CSMD1: variants seen among roughly 807,000 people sequenced by gnomAD.
CSMD1 encodes CUB and sushi domain-containing protein 1.
Under a neutral mutation model 417.5 loss-of-function variants are expected in CSMD1, and 213 were observed. The ratio of observed to expected loss-of-function variants is 0.51; its 90% CI spans 0.46 to 0.57. CSMD1 has a LOEUF of 0.57. Among genes scored for constraint, CSMD1 ranks in the 20% least tolerant of loss-of-function variants. CSMD1 has a pLI of 0.00. For missense variants in CSMD1, 6,923 were observed against 4,529.7 expected, an observed-to-expected ratio of 1.53 and a Z score of -15.17; for synonymous variants, 2,862 against 1,736.8, an observed-to-expected ratio of 1.65 and a Z score of -16.11.
intron 5 of CSMD1, among the ~76,000 whole-genome samples, chr8:3,797,619 G>C (rs1014781127): frequency 2.0e-5 from 3 of 151,854 alleles, no homozygotes; most frequent in Non-Finnish European, 2.9e-5. Context: ...ACTTTTTATT[G>C]TTGGGTAGTG....
chr8:4,075,130 T>C (rs1787533699), intron 3 of CSMD1, among the ~76,000 whole-genome samples: 1 of 152,148 alleles, frequency 6.6e-6, no homozygotes, highest in African/African-American at 2.4e-5. Flanking sequence ...AATATCAAAA[T>C]GATACGAAAA....
chr8:3,998,618 G>C (rs547854438), intron 4 of CSMD1, among the ~76,000 whole-genome samples: 27 of 152,218 alleles, frequency 1.8e-4, no homozygotes, highest in Admixed American at 1.0e-3. Context: ...TAACATAAAA[G>C]AGGCACATCA....
chr8:4,002,051 ATAG>A (rs775640300), intron 4 of CSMD1, among the ~76,000 whole-genome samples: 13 of 152,236 alleles, frequency 8.5e-5, no homozygotes, highest in African/African-American at 1.4e-4. Context: ...CACATAAAAT[ATAG>A]TAGAAGATTA....
chr8:3,048,632 A>G (rs909902443), intron 50 of CSMD1, among the ~76,000 whole-genome samples: 1 of 152,228 alleles, frequency 6.6e-6, no homozygotes, highest in African/African-American at 2.4e-5. Flanking sequence ...ATAAACTCCT[A>G]GAAGATAACA....
intron 12 of CSMD1, among the ~76,000 whole-genome samples, chr8:3,461,413 G>A (rs1232721615): frequency 1.3e-5 from 2 of 152,198 alleles, no homozygotes; most frequent in African/African-American, 4.8e-5. Context: ...CGGCCATAAT[G>A]CTGTGTCAGT....
intron 3 of CSMD1, among the ~76,000 whole-genome samples, chr8:4,154,555 T>A (rs1000401928): frequency 1.3e-5 from 2 of 152,196 alleles, no homozygotes; most frequent in Non-Finnish European, 2.9e-5. Flanking sequence ...ACTATGCTTC[T>A]AACGCCGTGA....
intron 3 of CSMD1, among the ~76,000 whole-genome samples, chr8:4,124,175 G>A (rs1802637423): frequency 1.3e-5 from 2 of 152,124 alleles, no homozygotes; most frequent in Non-Finnish European, 1.5e-5. Flanking sequence ...GCGCAGGGGA[G>A]GAAGTGGGGG....
At chr8:4,000,035 G>C (rs927426183) in intron 4 of CSMD1, among the ~76,000 whole-genome samples, 1 of 152,224 alleles carries the variant, frequency 6.6e-6, no homozygotes, top group Non-Finnish European at 1.5e-5. Context: ...AAAAATAACT[G>C]TGTGTATACT....
At chr8:4,643,810 T>C (rs1803350440) in intron 1 of CSMD1, among the ~76,000 whole-genome samples, 1 of 152,168 alleles carries the variant, frequency 6.6e-6, no homozygotes, top group African/African-American at 2.4e-5. Flanking sequence ...GGAAGGACCA[T>C]GATTTAAAGT....
intron 23 of CSMD1, among the ~76,000 whole-genome samples, chr8:3,312,600 C>G (rs1044176544): frequency 6.6e-6 from 1 of 152,126 alleles, no homozygotes; most frequent in African/African-American, 2.4e-5. Context: ...AATCATAGGC[C>G]TTTACAATGG....
At chr8:3,492,836 C>A (rs1343706812) in intron 11 of CSMD1, among the ~76,000 whole-genome samples, 1 of 150,618 alleles carries the variant, frequency 6.6e-6, no homozygotes, top group East Asian at 1.9e-4. Context: ...CAACACTTTT[C>A]CCCCCCATGT....
chr8:3,852,463 T>A (rs1803981018), intron 5 of CSMD1, among the ~76,000 whole-genome samples: 1 of 152,178 alleles, frequency 6.6e-6, no homozygotes, highest in African/African-American at 2.4e-5. Context: ...GCTGCAGGGC[T>A]GCATTCAGAG....
intron 2 of CSMD1, among the ~76,000 whole-genome samples, chr8:4,497,026 A>C (rs1249318851): frequency 1.3e-5 from 2 of 152,084 alleles, no homozygotes; most frequent in African/African-American, 4.8e-5. Flanking sequence ...AATAAAATAA[A>C]ATACCCATTT....
intron 7 of CSMD1, among the ~76,000 whole-genome samples, chr8:3,705,207 A>C (rs534254156): frequency 6.6e-6 from 1 of 152,174 alleles, no homozygotes; most frequent in Non-Finnish European, 1.5e-5. Context: ...TTCTGCACTG[A>C]AGGCAACAAG....
At chr8:4,729,627 A>AG (rs1325107014) in intron 1 of CSMD1, among the ~76,000 whole-genome samples, 1 of 152,182 alleles carries the variant, frequency 6.6e-6, no homozygotes, top group East Asian at 1.9e-4. Flanking sequence ...CAGGTGAGAA[A>AG]GGGGGGAATG....
chr8:4,232,687 G>A (rs1801814907), intron 3 of CSMD1, among the ~76,000 whole-genome samples: 1 of 152,002 alleles, frequency 6.6e-6, no homozygotes, highest in South Asian at 2.1e-4. Context: ...TAAACTGAAG[G>A]AGACATTTTA....
At position 4,728,149 on chromosome 8, in the gene CSMD1, A is replaced by C. The variant is rs956415398; in HGVS notation, c.86-90591T>G. Among the ~76,000 whole-genome samples, 6 of 147,242 alleles carry C rather than the reference A, an allele frequency of 4.1e-5. No homozygotes were observed. The Admixed American group carries it at 4.1e-4, about 10-fold the overall frequency. The stretch of plus-strand genomic sequence containing the variant: ...ACATAAGATCATACCTATATATCAA[A>C]TATATATATTTTATATATATATTTA... On this transcript the variant is annotated intron_variant, in intron 1 of 69. Transcript: ENST00000635120.
chr8:4,617,521 G>C (rs1415383282), intron 2 of CSMD1, among the ~76,000 whole-genome samples: 12 of 152,154 alleles, frequency 7.9e-5, no homozygotes, highest in Admixed American at 7.9e-4. Context: ...AATGCTATGA[G>C]GTTTCTGTCT....
chr8:3,791,912 G>A (rs1289160428), intron 5 of CSMD1, among the ~76,000 whole-genome samples: 2 of 152,028 alleles, frequency 1.3e-5, no homozygotes, highest in East Asian at 1.9e-4. Flanking sequence ...TGAAAGTAAT[G>A]GCAAAAACCT....
Sources: allele counts gnomAD v4.1 joint callset (sites outside exome capture counted in the v4.1 genomes callset), GRCh38; gene constraint gnomAD v4.1.1; transcripts MANE v1.5; gene names NCBI Gene and HGNC (gene_info 2026-07-23, HGNC 2026-07-21).